The following RPTOR variants were observed in gnomAD, a reference collection of about 807,000 sequenced individuals.
The protein encoded by RPTOR is regulatory-associated protein of mTOR.
In RPTOR, 21 loss-of-function variants were observed where a neutral mutation model predicts 169.9. That is an observed-to-expected ratio of 0.12 (90% CI 0.09 to 0.18). The LOEUF (loss-of-function observed/expected upper bound fraction) is 0.18, where lower values mean the gene tolerates loss of function less well. RPTOR is among the 10% of genes least tolerant of loss of function. The pLI is 1.00. For missense variants in RPTOR, 1,133 were observed against 1,855.9 expected (o/e 0.61, Z 7.16); for synonymous variants, 732 against 753.2 (o/e 0.97, Z 0.46).
At chr17:80,797,911 C>T (rs1374658660) in intron 7 of RPTOR, among the ~76,000 whole-genome samples, 1 of 152,182 alleles carries the variant, frequency 6.6e-6, no homozygotes, top group South Asian at 2.1e-4. Context: ...GGAGACAGAT[C>T]CACTCGGAAA....
intron 6 of RPTOR, among the ~76,000 whole-genome samples, chr17:80,765,609 A>C (rs2066778355): frequency 6.6e-6 from 1 of 152,186 alleles, no homozygotes; most frequent in Admixed American, 6.5e-5. Flanking sequence ...TGGTGGAGTC[A>C]GGATTCAAAG....
In RPTOR at chr17:80,900,245, A is replaced by G. The variant is rs1002651025; in HGVS notation, c.2401+6380A>G. On this transcript the variant is annotated intron_variant, in intron 20 of 33. Transcript: ENST00000306801. ...CCGCCTCGCAGCCACCTGAGCCAGC[A>G]GCTCTGGCCTGGTGGTCGCAGCTCT... 4.6e-5 allele frequency among the ~76,000 whole-genome samples: 7 copies of G among 151,988 alleles called. No homozygotes were observed. In the East Asian group the frequency reaches 1.2e-3, roughly 25 times the overall value.
chr17:80,834,138 A>G (rs979846958), intron 9 of RPTOR, among the ~76,000 whole-genome samples: 2 of 151,936 alleles, frequency 1.3e-5, no homozygotes, highest in South Asian at 2.1e-4. Flanking sequence ...CCAGGGTGCA[A>G]GCTCCTCCCA....
At chr17:80,963,205 C>T (rs1278262624) in intron 33 of RPTOR, 148 bp downstream of exon 33, 1 of 793,640 alleles carries the variant, frequency 1.3e-6, no homozygotes, top group Non-Finnish European at 2.0e-6. Context: ...TGCCTGGGTC[C>T]CAGGATCTCT....
chr17:80,660,270 C>CAAAAAAAAAAAAAAAAAAAAAAAATAA (rs35167825), intron 3 of RPTOR, among the ~76,000 whole-genome samples: 1 of 103,076 alleles, frequency 9.7e-6, no homozygotes, highest in Non-Finnish European at 2.1e-5. Context: ...GACTGTGTCT[C>CAAAAAAAAAAAAAAAAAAAAAAAATAA]AAAAAAAAAA....
chr17:80,691,294 C>T (rs939666274), intron 3 of RPTOR, among the ~76,000 whole-genome samples: 2 of 109,552 alleles, frequency 1.8e-5, no homozygotes, highest in Admixed American at 1.6e-4. Flanking sequence ...GTGTGCATGT[C>T]GTGTGTGTGT....
chr17:80,817,238 T>C (rs910398062), intron 7 of RPTOR, among the ~76,000 whole-genome samples: 5 of 152,132 alleles, frequency 3.3e-5, no homozygotes, highest in Middle Eastern at 3.2e-3. Flanking sequence ...AGCCAGTCTC[T>C]GGCCAAATTC....
intron 24 of RPTOR, among the ~76,000 whole-genome samples, chr17:80,929,663 A>G (rs1598407113): frequency 6.6e-6 from 1 of 152,184 alleles, no homozygotes; most frequent in East Asian, 1.9e-4. Context: ...ACTGCCCGTC[A>G]TCAGATCTGC....
intron 29 of RPTOR, among the ~76,000 whole-genome samples, chr17:80,958,375 G>A (rs2069284196): frequency 6.7e-6 from 1 of 149,548 alleles, no homozygotes; most frequent in Non-Finnish European, 1.5e-5. Context: ...ATAGGTGTGA[G>A]CCGCTACAGA....
Position 80,945,775 on chromosome 17 carries a change from G to T in RPTOR, c.3134G>T (p.Ser1045Ile), listed in dbSNP as rs1035349809. Residue 1045 changes from serine to isoleucine, a missense_variant, in exon 26 of 34, where the codon AGC becomes ATC. By Grantham distance (142) the Ser-to-Ile change is moderately radical. Around this residue, in one of 9 missense-constraint regions of RPTOR, gnomAD observed 410 missense variants for 623.7 expected, o/e 0.66. Transcript: ENST00000306801. ...TGCATCGCCGTAGCCGACAAGGACA[G>T]CATCTGGTATGCACCGCGCTGGTCA... ...TPCIAVADKD[S>I]ICFWDWEKGE... 1.9e-5 allele frequency: 31 copies of T among 1,607,598 alleles called. No homozygotes were observed. The highest frequency in any genetic ancestry group is 2.6e-5 in the Non-Finnish European group (30 of 1,176,242).
At chr17:80,686,693 C>A (rs186165654) in intron 3 of RPTOR, among the ~76,000 whole-genome samples, 1 of 152,004 alleles carries the variant, frequency 6.6e-6, no homozygotes, top group Non-Finnish European at 1.5e-5. Context: ...CTAACGAGGC[C>A]GGTGTCTCAA....
chr17:80,843,096 T>C (rs1419060070), intron 10 of RPTOR, among the ~76,000 whole-genome samples: 1 of 152,248 alleles, frequency 6.6e-6, no homozygotes, highest in African/African-American at 2.4e-5. Flanking sequence ...TGCATTTCCA[T>C]GTGAATTTTA....
In RPTOR at chr17:80,959,698, T is replaced by G. The variant is rs1432152291; in HGVS notation, c.3478-380T>G. On this transcript the variant is annotated intron_variant, in intron 29 of 33. Transcript: ENST00000306801. This position sits in a 1 kb window ranked among gnomAD's most constrained non-coding sequence, Gnocchi z 6.7. ...GCCAAAATGTGCTTTGCTTTCCTTT[T>G]TAGGAAACAGAGAGAGGTTGGAAGT... 2.0e-5 allele frequency among the ~76,000 whole-genome samples: 3 copies of G among 152,150 alleles called. No homozygotes were observed. Among genetic ancestry groups the G allele is most frequent in the Non-Finnish European group, 4.4e-5 (3 of 68,016 alleles).
At chr17:80,545,941 C>T (rs759868071) in intron 1 of RPTOR, 150 bp downstream of exon 1, 6 of 625,680 alleles carry the variant, frequency 9.6e-6, no homozygotes, top group Non-Finnish European at 1.6e-5. Context: ...TTTCAGACTG[C>T]AGTTTTTGGT....
chr17:80,556,740 T>TCATG, intron 1 of RPTOR, among the ~76,000 whole-genome samples: 1 of 151,282 alleles, frequency 6.6e-6, no homozygotes, highest in East Asian at 1.9e-4. Flanking sequence ...TTAGTGAGTC[T>TCATG]CATGTGAGTT....
intron 9 of RPTOR, among the ~76,000 whole-genome samples, chr17:80,837,555 C>T (rs989386108): frequency 6.6e-6 from 1 of 152,232 alleles, no homozygotes; most frequent in African/African-American, 2.4e-5. Flanking sequence ...GCTTAGAACA[C>T]GTGGGCTGCC....
chr17:80,554,179 C>G (rs930099639), intron 1 of RPTOR, among the ~76,000 whole-genome samples: 3 of 152,092 alleles, frequency 2.0e-5, no homozygotes, highest in African/African-American at 7.2e-5. Context: ...GTGTGAGTCA[C>G]CATGCCTAGA....
At chr17:80,886,477 C>T (rs1022226759) in intron 17 of RPTOR, among the ~76,000 whole-genome samples, 1 of 152,258 alleles carries the variant, frequency 6.6e-6, no homozygotes. Context: ...CCCACATCAA[C>T]TCACGTTTGG....
chr17:80,559,228 T>C (rs781102279), intron 1 of RPTOR, among the ~76,000 whole-genome samples: 1 of 152,212 alleles, frequency 6.6e-6, no homozygotes, highest in Non-Finnish European at 1.5e-5. Flanking sequence ...TGGGGCATTT[T>C]GGGTAATGAT....
Sources: allele counts gnomAD v4.1 joint callset (sites outside exome capture counted in the v4.1 genomes callset), GRCh38; gene constraint gnomAD v4.1.1; regional missense constraint gnomAD v4.1.1; non-coding constraint Gnocchi (gnomAD v3.1); transcripts MANE v1.5; gene names NCBI Gene and HGNC (gene_info 2026-07-23, HGNC 2026-07-21).